Variants in ENOX1 observed in about 807,000 individuals in gnomAD.
The protein encoded by ENOX1 is candidate growth-related and time keeping constitutive hydroquinone (NADH) oxidase.
A neutral mutation model predicts 82.5 loss-of-function variants in ENOX1; 42 were observed. That is an observed-to-expected ratio of 0.51 (90% CI 0.40 to 0.66). The LOEUF (loss-of-function observed/expected upper bound fraction) is 0.66, where lower values mean the gene tolerates loss of function less well. Ranked by LOEUF, ENOX1 falls within the 30% of genes least tolerant of loss-of-function variation. The pLI is 0.00. For missense variants in ENOX1, 608 were observed against 811.6 expected (o/e 0.75, Z 3.05); for synonymous variants, 271 against 282.2 (o/e 0.96, Z 0.40).
intron 3 of ENOX1, among the ~76,000 whole-genome samples, chr13:43,436,487 G>A (rs1474571770): frequency 1.3e-5 from 2 of 152,096 alleles, no homozygotes; most frequent in African/African-American, 4.8e-5. Flanking sequence ...ATATGTTAAG[G>A]GAGCTTTAAA....
chr13:43,363,693 T>A (rs148845235), intron 5 of ENOX1, among the ~76,000 whole-genome samples: 1 of 152,206 alleles, frequency 6.6e-6, no homozygotes, highest in Non-Finnish European at 1.5e-5. Context: ...CACTCAGGAC[T>A]GCAAACCCTG....
At chr13:43,456,377 A>T (rs568908870) in intron 3 of ENOX1, among the ~76,000 whole-genome samples, 11 of 152,190 alleles carry the variant, frequency 7.2e-5, no homozygotes, top group African/African-American at 2.6e-4. Context: ...GAAACAAACG[A>T]TTCATTTATA....
chr13:43,489,131 GCACC>G, intron 2 of ENOX1, among the ~76,000 whole-genome samples: 1 of 152,166 alleles, frequency 6.6e-6, no homozygotes, highest in South Asian at 2.1e-4. Context: ...CATTGACAAT[GCACC>G]AATGGCTCTA....
chr13:43,306,547 T>G (rs1293621411), intron 11 of ENOX1, among the ~76,000 whole-genome samples: 1 of 152,164 alleles, frequency 6.6e-6, no homozygotes. Flanking sequence ...GCACCTCCCT[T>G]GGGTGTAGTA....
intron 3 of ENOX1, among the ~76,000 whole-genome samples, chr13:43,472,359 C>T (rs1312944340): frequency 1.3e-5 from 2 of 152,156 alleles, no homozygotes; most frequent in African/African-American, 2.4e-5. Flanking sequence ...AAATCAGATT[C>T]ACCGTGATTT....
intron 5 of ENOX1, among the ~76,000 whole-genome samples, chr13:43,398,222 T>C (rs1255942694): frequency 6.6e-6 from 1 of 152,236 alleles, no homozygotes; most frequent in Non-Finnish European, 1.5e-5. Context: ...TTAATTTGTA[T>C]ATGCAACTAT....
chr13:43,382,357 G>A (rs1025885391), intron 5 of ENOX1, among the ~76,000 whole-genome samples: 1 of 151,992 alleles, frequency 6.6e-6, no homozygotes, highest in Non-Finnish European at 1.5e-5. Flanking sequence ...CTCAGTAAAG[G>A]TTATGTACTT....
rs769272979 is a variant in ENOX1 at position 43,735,154 on chromosome 13, C to A, written c.-285+51498G>T. 2.6e-5 allele frequency among the ~76,000 whole-genome samples: 4 copies of A among 152,176 alleles called. No homozygotes were observed. In the East Asian group the frequency reaches 5.8e-4, roughly 22 times the overall value. Reference sequence around the variant, plus strand: ...AAAGTGGAAAATGAGGAACATATTACCATGTTATAAAATCCCCAAATACTC... The same window carrying A: ...AAAGTGGAAAATGAGGAACATATTAACATGTTATAAAATCCCCAAATACTC... On this transcript the variant is annotated intron_variant, in intron 1 of 16. Coordinates refer to ENST00000690772, the MANE Select transcript of ENOX1 (RefSeq NM_001347969.2).
intron 13 of ENOX1, among the ~76,000 whole-genome samples, chr13:43,268,730 G>A (rs959090368): frequency 6.6e-6 from 1 of 152,180 alleles, no homozygotes; most frequent in Non-Finnish European, 1.5e-5. Flanking sequence ...TACTCACAGA[G>A]GGTTGGGGTA....
intron 1 of ENOX1, among the ~76,000 whole-genome samples, chr13:43,775,023 T>C (rs1951835711): frequency 6.6e-6 from 1 of 152,092 alleles, no homozygotes; most frequent in African/African-American, 2.4e-5. Context: ...AATTTTTGTA[T>C]TTTTAGTAGA....
intron 9 of ENOX1, among the ~76,000 whole-genome samples, chr13:43,335,414 T>C (rs577223314): frequency 3.3e-5 from 5 of 152,198 alleles, no homozygotes; most frequent in Non-Finnish European, 7.3e-5. Context: ...TAAAAAATCT[T>C]TGTAAAAATT....
At chr13:43,504,599 T>A (rs1368820026) in intron 2 of ENOX1, among the ~76,000 whole-genome samples, 1 of 151,592 alleles carries the variant, frequency 6.6e-6, no homozygotes, top group South Asian at 2.1e-4. Flanking sequence ...ACTACTAATA[T>A]GAGGAATCTA....
At chr13:43,273,964 CTT>C (rs768922442) in intron 12 of ENOX1, among the ~76,000 whole-genome samples, 5 of 152,140 alleles carry the variant, frequency 3.3e-5, no homozygotes, top group African/African-American at 9.7e-5. Context: ...AATGTTTGCT[CTT>C]GTTTCCCCAC....
intron 2 of ENOX1, among the ~76,000 whole-genome samples, chr13:43,597,988 T>G (rs2081541021): frequency 6.6e-6 from 1 of 152,160 alleles, no homozygotes; most frequent in Non-Finnish European, 1.5e-5. Flanking sequence ...TCCTCCAGCA[T>G]GCCCTATTCT....
intron 2 of ENOX1, among the ~76,000 whole-genome samples, chr13:43,514,330 A>G (rs574503180): frequency 2.0e-5 from 3 of 152,340 alleles, no homozygotes; most frequent in Admixed American, 2.0e-4. Context: ...ATTATATTTC[A>G]GGAAAGAGTC....
intron 2 of ENOX1, among the ~76,000 whole-genome samples, chr13:43,566,317 T>C (rs1417752958): frequency 6.6e-6 from 1 of 152,246 alleles, no homozygotes; most frequent in East Asian, 1.9e-4. Context: ...AAAAGGATGA[T>C]TATCTCACAG....
chr13:43,387,920 T>C (rs1023326670), intron 5 of ENOX1, among the ~76,000 whole-genome samples: 7 of 152,040 alleles, frequency 4.6e-5, no homozygotes, highest in African/African-American at 1.4e-4. Context: ...GGAGGTAAAA[T>C]TGGATATTAA....
At chr13:43,725,179 T>C (rs2088855649) in intron 1 of ENOX1, among the ~76,000 whole-genome samples, 2 of 152,152 alleles carry the variant, frequency 1.3e-5, no homozygotes, top group Admixed American at 6.5e-5. Context: ...TGATGAGTAT[T>C]TAAAAAGAAG....
intron 1 of ENOX1, among the ~76,000 whole-genome samples, chr13:43,738,713 T>C (rs1425503429): frequency 9.6e-6 from 1 of 103,916 alleles, no homozygotes; most frequent in Non-Finnish European, 2.0e-5. Context: ...TATAGTAATA[T>C]ATATAGATTT....
Sources: allele counts gnomAD v4.1 joint callset (sites outside exome capture counted in the v4.1 genomes callset), GRCh38; gene constraint gnomAD v4.1.1; transcripts MANE v1.5; gene names NCBI Gene and HGNC (gene_info 2026-07-23, HGNC 2026-07-21).